CASK: variants seen among roughly 807,000 people sequenced by gnomAD.
The protein encoded by CASK is peripheral plasma membrane protein CASK.
In CASK, 4 loss-of-function variants were observed where a neutral mutation model predicts 82.9. That is an observed-to-expected ratio of 0.05 (90% CI 0.02 to 0.11). The LOEUF is 0.11. CASK is among the 10% of genes least tolerant of loss of function. The pLI is 1.00. For synonymous variants in CASK, 259 were observed against 253.5 expected (o/e 1.02, Z -0.20); for missense variants, 358 against 720.9 (o/e 0.50, Z 5.76).
At chrX:41,657,957 A>G (rs2066969201) in intron 8 of CASK, among the ~76,000 whole-genome samples, 1 of 110,740 alleles carries the variant, frequency 9.0e-6, no homozygotes, top group African/African-American at 3.3e-5. Flanking sequence ...ATCTCTGGGT[A>G]GGGGAGAGGT....
chrX:41,700,545 T>C (rs2067772490), intron 5 of CASK, among the ~76,000 whole-genome samples: 1 of 106,817 alleles, frequency 9.4e-6, no homozygotes, highest in African/African-American at 3.4e-5. Context: ...AGATCCTAGA[T>C]GATATATGAG....
chrX:41,681,245 C>A (rs1157584691), intron 5 of CASK, among the ~76,000 whole-genome samples: 1 of 111,849 alleles, frequency 8.9e-6, no homozygotes, highest in Non-Finnish European at 1.9e-5. Flanking sequence ...TATTTAGATA[C>A]TATTTTATTA....
chrX:41,693,612 C>T (rs1261252503), intron 5 of CASK, among the ~76,000 whole-genome samples: 1 of 111,800 alleles, frequency 8.9e-6, no homozygotes, highest in Non-Finnish European at 1.9e-5. Flanking sequence ...AAAACTCTGT[C>T]TCAAAAACAA....
intron 2 of CASK, among the ~76,000 whole-genome samples, chrX:41,794,173 GA>G (rs1257034355): frequency 9.0e-6 from 1 of 111,344 alleles, no homozygotes; most frequent in Non-Finnish European, 1.9e-5. Context: ...CTTGCCCATT[GA>G]AAAAAAATTC....
intron 3 of CASK, 48 bp downstream of exon 3, chrX:41,787,130 C>T: frequency 2.7e-6 from 2 of 745,467 alleles, no homozygotes; most frequent in Admixed American, 4.4e-5. Flanking sequence ...TATCCAACAC[C>T]AACATTGCTT....
At chrX:41,810,836 A>C (rs1377512452) in intron 2 of CASK, among the ~76,000 whole-genome samples, 6 of 111,762 alleles carry the variant, frequency 5.4e-5, no homozygotes, top group Non-Finnish European at 7.5e-5. Flanking sequence ...TTCAGGAGAC[A>C]CATCTCACGT....
intron 2 of CASK, among the ~76,000 whole-genome samples, chrX:41,847,262 C>T (rs941353755): frequency 1.8e-5 from 2 of 110,739 alleles, no homozygotes; most frequent in African/African-American, 6.6e-5. Context: ...TGATGGTATC[C>T]CCAGAGGTCT....
intron 3 of CASK, among the ~76,000 whole-genome samples, chrX:41,776,819 C>T (rs757961320): frequency 8.9e-6 from 1 of 112,296 alleles, no homozygotes; most frequent in Non-Finnish European, 1.9e-5. Context: ...ACTATGTTCA[C>T]GAATTGGATG....
At chrX:41,586,840 G>A (rs541478322) in intron 14 of CASK, 67 bp downstream of exon 14, 25 of 663,245 alleles carry the variant, frequency 3.8e-5, no homozygotes, top group South Asian at 3.4e-4. Context: ...TACATTTTAT[G>A]AGGGTAGTTT....
At chrX:41,849,642 GCTTA>G (rs1245607299) in intron 2 of CASK, among the ~76,000 whole-genome samples, 1 of 111,561 alleles carries the variant, frequency 9.0e-6, no homozygotes, top group African/African-American at 3.3e-5. Flanking sequence ...ACATAATTCT[GCTTA>G]CTATTTCAAG....
chrX:41,696,040 T>C (rs1006633242), intron 5 of CASK: 1 of 1,208,276 alleles, frequency 8.3e-7, no homozygotes, highest in Non-Finnish European at 1.1e-6. Context: ...CTGTTTTATA[T>C]GAACATGTAC....
At chrX:41,842,427 G>T (rs1415750762) in intron 2 of CASK, among the ~76,000 whole-genome samples, 3 of 109,811 alleles carry the variant, frequency 2.7e-5, no homozygotes, top group African/African-American at 1.0e-4. Context: ...AAAAAAAATA[G>T]CCAGGTGTGG....
At chrX:41,716,114 C>T (rs893470702) in intron 5 of CASK, among the ~76,000 whole-genome samples, 9 of 112,489 alleles carry the variant, frequency 8.0e-5, no homozygotes, top group African/African-American at 2.9e-4. Context: ...AATGTTCCAG[C>T]AGTGGGCAGA....
intron 21 of CASK, among the ~76,000 whole-genome samples, chrX:41,551,505 G>T (rs1469318284): frequency 9.0e-6 from 1 of 111,566 alleles, no homozygotes; most frequent in Non-Finnish European, 1.9e-5. Context: ...CTCTGGCACA[G>T]AAGTGTTCAG....
chrX:41,878,094 C>T (rs1041639853), intron 1 of CASK, among the ~76,000 whole-genome samples: 20 of 109,339 alleles, frequency 1.8e-4, no homozygotes, highest in Non-Finnish European at 7.6e-5. Context: ...TCTGGTGCTT[C>T]AATTTTAAAG....
intron 4 of CASK, among the ~76,000 whole-genome samples, chrX:41,741,425 G>A (rs1394802305): frequency 1.8e-5 from 2 of 111,861 alleles, no homozygotes; most frequent in African/African-American, 6.5e-5. Flanking sequence ...TGGAAATACT[G>A]GGTAAATTTA....
intron 1 of CASK, among the ~76,000 whole-genome samples, chrX:41,866,203 C>A (rs2071589232): frequency 8.9e-6 from 1 of 112,823 alleles, no homozygotes; most frequent in South Asian, 3.6e-4. Flanking sequence ...GCTGCTCCCG[C>A]AGCAACTGGG....
chrX:41,778,522 T>C (rs2069410154), intron 3 of CASK, among the ~76,000 whole-genome samples: 1 of 111,765 alleles, frequency 8.9e-6, no homozygotes, highest in Non-Finnish European at 1.9e-5. Flanking sequence ...TGAGCCACCG[T>C]GCCTGGCCAA....
chrX:41,593,327 G>A (rs910550158), intron 12 of CASK, among the ~76,000 whole-genome samples: 9 of 111,228 alleles, frequency 8.1e-5, no homozygotes, highest in African/African-American at 2.9e-4. Flanking sequence ...GAAGCAGGAG[G>A]GAGTGAGGAA....
Sources: gnomAD v4.1 joint callset for allele counts (sites outside exome capture counted in the v4.1 genomes callset) on GRCh38, gnomAD v4.1.1 for gene constraint, MANE v1.5 for transcripts, NCBI Gene and HGNC (gene_info 2026-07-23, HGNC 2026-07-21) for gene names.